The following GOLGA8B variants were observed in gnomAD, a reference collection of about 807,000 sequenced individuals.
GOLGA8B encodes golgin subfamily A member 8B.
A neutral mutation model predicts 15.6 loss-of-function variants in GOLGA8B; 1 was observed. That is an observed-to-expected ratio of 0.06 (90% CI 0.02 to 0.30). GOLGA8B has a LOEUF of 0.30. Ranked by LOEUF, GOLGA8B falls within the 10% of genes least tolerant of loss-of-function variation. The pLI is 1.00. For synonymous variants in GOLGA8B, 9 were observed against 80.3 expected (o/e 0.11, Z 4.75); for missense variants, 17 against 201.3 (o/e 0.08, Z 5.54).
At chr15:34,573,534 CTCAAAAAAAA>C (rs1888982086) in intron 1 of GOLGA8B, among the ~76,000 whole-genome samples, 1 of 54,474 alleles carries the variant, frequency 1.8e-5, no homozygotes. Context: ...GAGACTCCGT[CTCAAAAAAAA>C]AAAAAAAAAA....
At position 34,567,356 on chromosome 15, in the gene GOLGA8B, C is replaced by T. The variant is rs530202569; in HGVS notation, c.-1122-13400G>A. ...ATGGGCCCTCGAGATCACACTGGGG[C>T]GCCCCCTTTGCCCCCACTTCCTTGG... On this transcript the variant is annotated intron_variant, in intron 1 of 23. Transcript: ENST00000683415. 3.8e-4 allele frequency among the ~76,000 whole-genome samples: 58 copies of T among 150,700 alleles called. No individual in the cohort carries two copies. The East Asian group carries it at 0.01, about 27-fold the overall frequency.
intron 1 of GOLGA8B, among the ~76,000 whole-genome samples, chr15:34,577,826 G>A (rs1889123417): frequency 2.6e-5 from 4 of 152,128 alleles, no homozygotes; most frequent in Admixed American, 1.3e-4. Context: ...TTCTATGAAT[G>A]GACCTTCCAT....
At chr15:34,579,986 G>A (rs1239678377) in intron 1 of GOLGA8B, among the ~76,000 whole-genome samples, 1 of 152,134 alleles carries the variant, frequency 6.6e-6, no homozygotes, top group Non-Finnish European at 1.5e-5. Context: ...AGAAGGGGAA[G>A]TAACGCTAAT....
At chr15:34,571,416 C>G (rs57979394) in intron 1 of GOLGA8B, among the ~76,000 whole-genome samples, 5,249 of 151,888 alleles carry the variant, frequency 0.035, 280 homozygotes, top group African/African-American at 0.12. Context: ...GGTAATGGCC[C>G]TTTAAGATAA....
chr15:34,543,276 T>C (rs1444481732), intron 7 of GOLGA8B, among the ~76,000 whole-genome samples: 1 of 140,308 alleles, frequency 7.1e-6, no homozygotes. Context: ...TGGGCTCAAG[T>C]GATCCTCCCA....
intron 1 of GOLGA8B, among the ~76,000 whole-genome samples, chr15:34,571,649 C>A (rs566679243): frequency 6.7e-6 from 1 of 148,742 alleles, no homozygotes; most frequent in Non-Finnish European, 1.5e-5. Flanking sequence ...CAAATCACAC[C>A]GTATCTAAAA....
chr15:34,567,904 C>T (rs1388313317), intron 1 of GOLGA8B, among the ~76,000 whole-genome samples: 12 of 151,068 alleles, frequency 7.9e-5, no homozygotes, highest in African/African-American at 2.2e-4. Flanking sequence ...TGAAAAGCCA[C>T]TTACCCCTTT....
intron 1 of GOLGA8B, among the ~76,000 whole-genome samples, chr15:34,576,422 G>A (rs1432480931): frequency 6.6e-6 from 1 of 152,204 alleles, no homozygotes; most frequent in East Asian, 1.9e-4. Flanking sequence ...AGGAGTTCTT[G>A]GTCTGGAGGG....
chr15:34,573,641 A>G lies in GOLGA8B; in HGVS notation c.-1123+9875T>C, dbSNP rs562273392. On this transcript the variant is annotated intron_variant, in intron 1 of 23. Coordinates refer to ENST00000683415, the MANE Select transcript of GOLGA8B (RefSeq NM_001023567.5). The stretch of plus-strand genomic sequence containing the variant: ...CCGTTTTTCTGAAAACATGCTTTAA[A>G]GTCCAATTGTGGGGAATTGATGTAG... Among the ~76,000 whole-genome samples the G allele has an allele frequency of 2.6e-5, 4 of 152,258 alleles. No homozygotes were observed. In the South Asian group the frequency reaches 8.3e-4, roughly 32 times the overall value.
chr15:34,554,427 CACCA>C (rs1322381832), intron 1 of GOLGA8B, among the ~76,000 whole-genome samples: 37 of 145,506 alleles, frequency 2.5e-4, no homozygotes, highest in Admixed American at 2.1e-3. Context: ...ACACACCACA[CACCA>C]ACCACACACA....
At chr15:34,582,493 G>C (rs1365478042) in intron 1 of GOLGA8B, among the ~76,000 whole-genome samples, 1 of 152,266 alleles carries the variant, frequency 6.6e-6, no homozygotes, top group East Asian at 1.9e-4. Flanking sequence ...AGTTTGGGGC[G>C]CTTCATCCAC....
At chr15:34,578,012 T>C (rs1276981833) in intron 1 of GOLGA8B, among the ~76,000 whole-genome samples, 4 of 152,244 alleles carry the variant, frequency 2.6e-5, no homozygotes, top group African/African-American at 7.2e-5. Flanking sequence ...CTCTGTCATA[T>C]ACGCTATCAC....
At chr15:34,577,995 A>C (rs1416229938) in intron 1 of GOLGA8B, among the ~76,000 whole-genome samples, 1 of 152,214 alleles carries the variant, frequency 6.6e-6, no homozygotes, top group Non-Finnish European at 1.5e-5. Context: ...TGATATTCTT[A>C]TGGGACCTCT....
chr15:34,577,001 G>A (rs1384422644), intron 1 of GOLGA8B, among the ~76,000 whole-genome samples: 2 of 149,836 alleles, frequency 1.3e-5, no homozygotes, highest in Non-Finnish European at 3.0e-5. Context: ...AGACCTCCAC[G>A]TGCCCTTCTT....
rs80237171 is a variant in GOLGA8B at position 34,576,080 on chromosome 15, C to T, written c.-1123+7436G>A. Among the ~76,000 whole-genome samples, 52 of 152,216 alleles carry T rather than the reference C, an allele frequency of 3.4e-4. No homozygotes were observed. The South Asian group carries it at 4.2e-3, about 12-fold the overall frequency. On this transcript the variant is annotated intron_variant, in intron 1 of 23. Transcript: ENST00000683415. ...GGCAAGGTGAGACCTACCAGGTTAG[C>T]GTCCCGCACCCCTTTGTTTCCACTA...
chr15:34,575,724 CA>C (rs1889057815), intron 1 of GOLGA8B, among the ~76,000 whole-genome samples: 1 of 152,210 alleles, frequency 6.6e-6, no homozygotes, highest in Non-Finnish European at 1.5e-5. Flanking sequence ...TGATCCACCC[CA>C]ACCTACCGTG....
chr15:34,533,013 CTG>C, intron 10 of GOLGA8B, 51 bp from the exon 11 acceptor site: 1 of 598,812 alleles, frequency 1.7e-6, no homozygotes, highest in South Asian at 2.4e-5. Flanking sequence ...TGTGTGTGGG[CTG>C]TCTCAGCTGG....
intron 1 of GOLGA8B, among the ~76,000 whole-genome samples, chr15:34,576,309 T>C (rs897873662): frequency 1.9e-4 from 29 of 152,190 alleles, no homozygotes; most frequent in Non-Finnish European, 4.1e-4. Context: ...TCAGTGCTGA[T>C]TAAGCACAGG....
intron 1 of GOLGA8B, among the ~76,000 whole-genome samples, chr15:34,577,333 A>G (rs62004906): frequency 0.36 from 55,087 of 151,452 alleles, 10,470 homozygotes; most frequent in Admixed American, 0.45. Context: ...TTGAAACAAT[A>G]GATTTTTCCA....
Sources: gnomAD v4.1 joint callset for allele counts (sites outside exome capture counted in the v4.1 genomes callset) on GRCh38, gnomAD v4.1.1 for gene constraint, MANE v1.5 for transcripts, NCBI Gene and HGNC (gene_info 2026-07-23, HGNC 2026-07-21) for gene names.